G6PD: variants seen among roughly 807,000 people sequenced by gnomAD.
G6PD encodes glucose-6-phosphate dehydrogenase, also known as glucose-6-phosphate 1-dehydrogenase.
G6PD carries 2 observed loss-of-function variants against 38.2 expected under a neutral mutation model. The observed-to-expected ratio is 0.05, with a 90% CI of 0.02 to 0.16. G6PD has a LOEUF of 0.16. G6PD is among the 10% of genes least tolerant of loss of function. The probability of loss-of-function intolerance (pLI) is 1.00; values close to 1 mark genes in which losing one functional copy is unlikely to be tolerated. For missense variants in G6PD, 310 were observed against 471.6 expected, an observed-to-expected ratio of 0.66 and a Z score of 3.17; for synonymous variants, 188 against 196.0, an observed-to-expected ratio of 0.96 and a Z score of 0.34.
At chrX:154,546,648 C>T in intron 1 of G6PD, 141 bp downstream of exon 1, 1 of 512,204 alleles carries the variant, frequency 2.0e-6, no homozygotes, top group Non-Finnish European at 3.1e-6. Flanking sequence ...AGAGGAGGTG[C>T]GGGGTATAAA....
At chrX:154,535,069 G>A (rs2070391038) in intron 5 of G6PD, 99 bp downstream of exon 5, 3 of 869,105 alleles carry the variant, frequency 3.5e-6, no homozygotes, top group Non-Finnish European at 5.1e-6. Flanking sequence ...CACCATGGAT[G>A]CTGCCCAGAT....
intron 9 of G6PD, 39 bp from the exon 10 acceptor site, chrX:154,532,841 C>A (rs781808013): frequency 8.3e-7 from 1 of 1,205,026 alleles, no homozygotes. Context: ...CCAGCTCTCT[C>A]AGGGTGTGGA....
intron 4 of G6PD, 162 bp downstream of exon 4, chrX:154,535,775 G>T (rs1603411822): frequency 2.0e-6 from 1 of 509,057 alleles, no homozygotes; most frequent in East Asian, 3.6e-5. Context: ...GGTCACGGGG[G>T]CTGGTAATGG....
intron 7 of G6PD, 66 bp from the exon 8 acceptor site, chrX:154,533,735 G>C: frequency 8.3e-7 from 1 of 1,200,912 alleles, no homozygotes; most frequent in Non-Finnish European, 1.1e-6. Context: ...CAAGGGCATG[G>C]GGACCCCAAA....
Position 154,546,135 on chromosome X carries a change from C to G in G6PD, c.21G>C (p.Leu7=), listed in dbSNP as rs782089171. 8.3e-7 allele frequency: 1 copy of G among 1,210,525 alleles called. No individual in the cohort carries two copies. The highest frequency in any genetic ancestry group is 1.7e-5 in the African/African-American group (1 of 57,360). Residue 7 remains leucine (L), a synonymous_variant, in exon 2 of 13, where the codon CTG becomes CTC. Transcript: ENST00000393562. MAEQVA[L]SRTQVCGILR... ...GGATCCCGCACACCTGGGTCCGGCT[C>G]AGGGCCACCTGCTCTGCCATGACGC...
chrX:154,546,896 G>GC (rs1557233632), upstream of G6PD: 1 of 942,905 alleles, frequency 1.1e-6, no homozygotes, highest in South Asian at 2.9e-5. Context: ...GGGGGCGGGC[G>GC]CCTGGGCTGA....
intron 2 of G6PD, 46 bp from the exon 3 acceptor site, chrX:154,536,224 C>A (rs398123545): frequency 3.5e-6 from 4 of 1,145,366 alleles, no homozygotes; most frequent in Non-Finnish European, 4.8e-6. Flanking sequence ...GCTGGGGACA[C>A]GACCTACATA....
In G6PD at chrX:154,546,123, C is replaced by G. The variant is rs1050827; in HGVS notation, c.33G>C (p.Gln11His). Residue 11 changes from glutamine (Q) to histidine (H), a missense_variant, in exon 2 of 13, where the codon CAG (glutamine) becomes CAC (histidine). This residue lies in a region of G6PD where 29 missense variants were observed against 28.2 expected (regional missense o/e 1.03). Transcript: ENST00000393562. ...GCTCTTCCCGCAGGATCCCGCACAC[C>G]TGGGTCCGGCTCAGGGCCACCTGCT... Reference protein sequence around the residue: MAEQVALSRTQVCGILREELF... With the variant: MAEQVALSRTHVCGILREELF... 1 of 1,212,048 alleles carries G rather than the reference C, an allele frequency of 8.3e-7. No individual in the cohort carries two copies. Among genetic ancestry groups the G allele is most frequent in the Non-Finnish European group, 1.1e-6 (1 of 895,601 alleles).
chrX:154,541,831 G>A (rs782313849), intron 2 of G6PD, among the ~76,000 whole-genome samples: 166 of 112,348 alleles, frequency 1.5e-3, no homozygotes, highest in African/African-American at 5.1e-3. Context: ...TTTATAAACC[G>A]AAATCGCTGC....
intron 2 of G6PD, among the ~76,000 whole-genome samples, chrX:154,538,320 AG>A (rs2070434283): frequency 8.9e-6 from 1 of 112,454 alleles, no homozygotes; most frequent in East Asian, 2.8e-4. Context: ...AAAAAAAAGA[AG>A]AAAACATCAG....
At chrX:154,544,243 CCT>C (rs782254253) in intron 2 of G6PD, among the ~76,000 whole-genome samples, 1 of 109,970 alleles carries the variant, frequency 9.1e-6, no homozygotes, top group South Asian at 3.9e-4. Context: ...CTCACTGCAA[CCT>C]CTGACTCCCT....
At chrX:154,536,730 T>A (rs1557230884) in intron 2 of G6PD, among the ~76,000 whole-genome samples, 1 of 110,835 alleles carries the variant, frequency 9.0e-6, no homozygotes, top group Non-Finnish European at 1.9e-5. Context: ...CTCAGGAGGC[T>A]GAGGCAGGAG....
rs1476490593 is a variant in G6PD, at chrX:154,535,484, G to A, written c.268-99C>T. 3 of 774,943 alleles carry A rather than the reference G, an allele frequency of 3.9e-6. No homozygotes were observed. In the African/African-American group the frequency reaches 6.3e-5, roughly 16 times the overall value. The allele number at this position is 774,943 out of a possible 1,213,427, so 63.9% of individuals were successfully genotyped here. On this transcript the variant is annotated intron_variant, in intron 4 of 12. Transcript: ENST00000393562. ...AGGGGAGTGGAGGGTCTTCCCTGGAGGTCCAGGGAGGGTGCCCTCAGAAGT... is the reference window on the plus strand; with the variant it reads ...AGGGGAGTGGAGGGTCTTCCCTGGAAGTCCAGGGAGGGTGCCCTCAGAAGT...
Position 154,532,650 on chromosome X carries a change from T to C in G6PD, c.1204A>G (p.Thr402Ala), listed in dbSNP as rs782554225. The change falls in exon 10 of 13, where the codon ACC (threonine) becomes GCC (alanine). Residue 402 changes from threonine (T) to alanine (A), a missense_variant. By Grantham distance (58) the Thr-to-Ala change is moderately conservative. This residue lies in a region of G6PD where 168 missense variants were observed against 309.2 expected (regional missense o/e 0.54). Transcript: ENST00000393562. ...CCCGGCTTCTTGGTCATCATCTTGG[T>C]GTACACGGCCTCGTTGGGCTGCACG... ...IRVQPNEAVY[T>A]KMMTKKPGMF... 1.7e-6 allele frequency: 2 copies of C among 1,211,172 alleles called. No homozygotes were observed. Among genetic ancestry groups the C allele is most frequent in the South Asian group, 1.8e-5 (1 of 56,930 alleles).
rs782644091 is a variant in G6PD, at chrX:154,546,758, C to CCGCCTGCGCGG, written c.-9+20_-9+30dup. 87 of 1,118,740 alleles carry CCGCCTGCGCGG rather than the reference C, an allele frequency of 7.8e-5. No homozygotes were observed. In the East Asian group the frequency reaches 2.7e-3, roughly 34 times the overall value. The allele number at this position is 1,118,740 out of a possible 1,213,427, so 92.2% of individuals were successfully genotyped here. On this transcript the variant is annotated intron_variant, in intron 1 of 12. Coordinates refer to ENST00000393562, the MANE Select transcript of G6PD (RefSeq NM_001360016.2). ...GCGCAGCGCGGGACAGTACGCTCCT[C>CCGCCTGCGCGG]CGCCTGCGCGGCGCCCGCCCGGCCG...
At chrX:154,535,834 A>C in intron 4 of G6PD, 103 bp downstream of exon 4, 3 of 647,358 alleles carry the variant, frequency 4.6e-6, no homozygotes, top group South Asian at 4.7e-5. Context: ...GGAGAGGAGG[A>C]GAGCATCCCG....
upstream of G6PD, chrX:154,546,853 T>C: frequency 1.8e-6 from 2 of 1,124,454 alleles, no homozygotes; most frequent in Non-Finnish European, 2.3e-6. Context: ...TTCCGGGGGC[T>C]GAGCCCCGCC....
chrX:154,533,795 T>A (rs1557230133), intron 7 of G6PD, 126 bp from the exon 8 acceptor site: 6 of 1,177,499 alleles, frequency 5.1e-6, no homozygotes, highest in African/African-American at 1.8e-5. Context: ...ATCCCCCTTG[T>A]CTTCCAGGTC....
rs1299417176 is a variant in G6PD at position 154,533,905 on chromosome X, T to C, written c.770+130A>G. ...TCCAGCCCTTTCCAGCCCGGTCTGA[T>C]AGCTCAGACACTTAGGTTTTGAACT... is the stretch of plus-strand genomic sequence containing the variant. On this transcript the variant is annotated intron_variant, in intron 7 of 12. Transcript: ENST00000393562. 5.8e-6 allele frequency: 7 copies of C among 1,197,678 alleles called. No individual in the cohort carries two copies. The African/African-American group carries it at 7.0e-5, about 12-fold the overall frequency.
Sources: allele counts gnomAD v4.1 joint callset (sites outside exome capture counted in the v4.1 genomes callset), GRCh38; gene constraint gnomAD v4.1.1; regional missense constraint gnomAD v4.1.1; transcripts MANE v1.5; gene names NCBI Gene and HGNC (gene_info 2026-07-23, HGNC 2026-07-21).